PDLIM5: variants seen among roughly 807,000 people sequenced by gnomAD.
The protein encoded by PDLIM5 is PDZ and LIM domain protein 5.
A neutral mutation model predicts 64.2 loss-of-function variants in PDLIM5; 34 were observed. The ratio of observed to expected loss-of-function variants is 0.53; its 90% confidence interval spans 0.40 to 0.71. PDLIM5 has a LOEUF of 0.71. PDLIM5 is among the 30% of genes least tolerant of loss of function. The pLI is 0.00. For synonymous variants in PDLIM5, 253 were observed against 269.1 expected, an observed-to-expected ratio of 0.94 and a Z score of 0.59; for missense variants, 683 against 733.6, an observed-to-expected ratio of 0.93 and a Z score of 0.80.
At chr4:94,551,238 A>T (rs1456002143) in intron 3 of PDLIM5, among the ~76,000 whole-genome samples, 2 of 152,098 alleles carry the variant, frequency 1.3e-5, no homozygotes, top group African/African-American at 2.4e-5. Context: ...GATATTATTT[A>T]TTAACATTAT....
chr4:94,564,847 G>A (rs1264026698), intron 3 of PDLIM5, among the ~76,000 whole-genome samples: 2 of 151,054 alleles, frequency 1.3e-5, no homozygotes, highest in Non-Finnish European at 3.0e-5. Flanking sequence ...TAGTAGAGAC[G>A]GGGTTTCACC....
At chr4:94,617,311 G>A (rs1374439992) in intron 7 of PDLIM5, among the ~76,000 whole-genome samples, 2 of 152,126 alleles carry the variant, frequency 1.3e-5, no homozygotes, top group Non-Finnish European at 2.9e-5. Context: ...AAGACCTGCT[G>A]TTTAAACAGG....
At chr4:94,595,349 G>C (rs1188831464) in intron 7 of PDLIM5, among the ~76,000 whole-genome samples, 2 of 152,162 alleles carry the variant, frequency 1.3e-5, no homozygotes, top group East Asian at 1.9e-4. Flanking sequence ...TCTCCCTTTA[G>C]TAGAAAAACA....
chr4:94,587,438 T>C, intron 7 of PDLIM5: 1 of 983,208 alleles, frequency 1.0e-6, no homozygotes, highest in Non-Finnish European at 1.2e-6. Flanking sequence ...AATGAGCAAA[T>C]AAAGTCCTTG....
intron 7 of PDLIM5, among the ~76,000 whole-genome samples, chr4:94,595,481 G>A (rs946537570): frequency 2.6e-4 from 39 of 152,208 alleles, no homozygotes; most frequent in African/African-American, 8.7e-4. Flanking sequence ...CTGGCTGAAG[G>A]CCATCAGAAT....
chr4:94,498,795 A>G (rs968121201), intron 2 of PDLIM5, among the ~76,000 whole-genome samples: 2 of 152,228 alleles, frequency 1.3e-5, no homozygotes, highest in East Asian at 1.9e-4. Flanking sequence ...TGTGTTTTGG[A>G]AAAGTAGGTT....
chr4:94,474,622 C>T (rs1171195372), intron 2 of PDLIM5, among the ~76,000 whole-genome samples: 3 of 151,964 alleles, frequency 2.0e-5, no homozygotes, highest in Non-Finnish European at 4.4e-5. Context: ...TCTTGGCTTC[C>T]GTGGTAGTCA....
intron 11 of PDLIM5, among the ~76,000 whole-genome samples, chr4:94,661,473 T>C (rs867245680): frequency 6.6e-6 from 1 of 152,300 alleles, no homozygotes; most frequent in Middle Eastern, 3.4e-3. Flanking sequence ...CAGAAGGAAA[T>C]CCTGTTAGTA....
chr4:94,552,128 C>G (rs1009883240), intron 3 of PDLIM5, among the ~76,000 whole-genome samples: 1 of 151,622 alleles, frequency 6.6e-6, no homozygotes, highest in Non-Finnish European at 1.5e-5. Context: ...GATATATATA[C>G]AAGTTTTTAT....
At chr4:94,640,658 A>G (rs1397555050) in intron 9 of PDLIM5, among the ~76,000 whole-genome samples, 1 of 152,204 alleles carries the variant, frequency 6.6e-6, no homozygotes, top group Non-Finnish European at 1.5e-5. Context: ...TGAAAATAAA[A>G]GTACTAATTG....
chr4:94,581,948 G>A (rs1447882391), intron 5 of PDLIM5, among the ~76,000 whole-genome samples: 1 of 152,092 alleles, frequency 6.6e-6, no homozygotes, highest in Non-Finnish European at 1.5e-5. Flanking sequence ...TGATAATACA[G>A]AGCTATGGAA....
At chr4:94,503,529 G>A (rs1029512887) in intron 2 of PDLIM5, among the ~76,000 whole-genome samples, 15 of 152,208 alleles carry the variant, frequency 9.9e-5, no homozygotes, top group Admixed American at 5.9e-4. Flanking sequence ...AAGAAGAGCA[G>A]TAATATTGTC....
At chr4:94,533,121 A>G (rs1035894628) in intron 3 of PDLIM5, among the ~76,000 whole-genome samples, 50 of 152,352 alleles carry the variant, frequency 3.3e-4, no homozygotes, top group African/African-American at 1.1e-3. Flanking sequence ...TATCTTATAT[A>G]TCTCTTTTTC....
intron 8 of PDLIM5, among the ~76,000 whole-genome samples, chr4:94,622,272 G>C (rs1439862809): frequency 6.6e-6 from 1 of 152,134 alleles, no homozygotes; most frequent in African/African-American, 2.4e-5. Flanking sequence ...ATGTGTTTAT[G>C]CGTTCCTGTT....
At chr4:94,466,132 T>C (rs1469162750) in intron 2 of PDLIM5, among the ~76,000 whole-genome samples, 1 of 152,084 alleles carries the variant, frequency 6.6e-6, no homozygotes, top group Non-Finnish European at 1.5e-5. Context: ...CATGCCTGGC[T>C]AATTCTTTAA....
chr4:94,466,785 T>C (rs1439954571), intron 2 of PDLIM5, among the ~76,000 whole-genome samples: 1 of 152,236 alleles, frequency 6.6e-6, no homozygotes, highest in Non-Finnish European at 1.5e-5. Flanking sequence ...ATATATGATG[T>C]CAGGTATTAG....
At chr4:94,540,008 A>T (rs536593316) in intron 3 of PDLIM5, among the ~76,000 whole-genome samples, 1 of 152,096 alleles carries the variant, frequency 6.6e-6, no homozygotes, top group Non-Finnish European at 1.5e-5. Context: ...AAAATATATA[A>T]TAATACTACT....
intron 2 of PDLIM5, among the ~76,000 whole-genome samples, chr4:94,521,297 A>G (rs893561793): frequency 6.6e-6 from 1 of 152,164 alleles, no homozygotes; most frequent in African/African-American, 2.4e-5. Context: ...AATATGGAGA[A>G]TGTGAAGGTA....
chr4:94,651,388 T>C (rs1390649034), intron 9 of PDLIM5, among the ~76,000 whole-genome samples: 3 of 152,224 alleles, frequency 2.0e-5, no homozygotes, highest in Non-Finnish European at 4.4e-5. Flanking sequence ...TGAAAGGAAC[T>C]AATGAAATAT....
Sources: allele counts gnomAD v4.1 joint callset (sites outside exome capture counted in the v4.1 genomes callset), GRCh38; gene constraint gnomAD v4.1.1; transcripts MANE v1.5; gene names NCBI Gene and HGNC (gene_info 2026-07-23, HGNC 2026-07-21).